Variants in ACO1 observed in about 807,000 individuals in gnomAD.
The protein encoded by ACO1 is cytoplasmic aconitate hydratase.
In ACO1, 78 loss-of-function variants were observed where a neutral mutation model predicts 105.1. That is an observed-to-expected ratio of 0.74 (90% CI 0.62 to 0.90). ACO1 has a LOEUF of 0.90. Among genes scored for constraint, ACO1 ranks in the 40% least tolerant of loss-of-function variants. The pLI, the probability that ACO1 is intolerant of heterozygous loss-of-function variation, is 0.00. For missense variants in ACO1, 965 were observed against 1,111.1 expected (o/e 0.87, Z 1.87); for synonymous variants, 364 against 397.4 (o/e 0.92, Z 1.00).
chr9:32,426,929 A>T (rs543860376), intron 11 of ACO1, among the ~76,000 whole-genome samples: 157 of 152,314 alleles, frequency 1.0e-3, no homozygotes, highest in African/African-American at 3.6e-3. Flanking sequence ...GGCTCCTTCA[A>T]TGATGATTTT....
intron 1 of ACO1, among the ~76,000 whole-genome samples, chr9:32,390,484 G>A (rs1238289616): frequency 6.6e-5 from 10 of 152,126 alleles, no homozygotes. Flanking sequence ...TAGTCTCCTT[G>A]TCAGATTGCA....
At chr9:32,431,397 T>G (rs536077754) in intron 14 of ACO1, among the ~76,000 whole-genome samples, 1 of 152,342 alleles carries the variant, frequency 6.6e-6, no homozygotes, top group Admixed American at 6.5e-5. Context: ...CTTCTGGTGT[T>G]CTTGAGCACA....
intron 1 of ACO1, among the ~76,000 whole-genome samples, chr9:32,396,126 A>G (rs1326133576): frequency 6.6e-6 from 1 of 152,256 alleles, no homozygotes; most frequent in Admixed American, 6.5e-5. Context: ...TTACTTAATA[A>G]TGAAATTCAG....
chr9:32,420,950 A>G lies in ACO1; in HGVS notation c.893A>G (p.Asn298Ser), dbSNP rs377554984. 5.0e-6 allele frequency: 8 copies of G among 1,614,026 alleles called. No homozygotes were observed. The highest frequency in any genetic ancestry group is 6.8e-6 in the Non-Finnish European group (8 of 1,180,018). ...ATTGCTGACCGAGCTACGATTGCTA[A>G]CATGTGTCCAGAGTACGGAGCAACT... ...LSIADRATIANMCPEYGATAA... is the reference protein window; with the variant it reads ...LSIADRATIASMCPEYGATAA... Residue 298 changes from asparagine to serine, a missense_variant, in exon 8 of 21, where the codon AAC (asparagine) becomes AGC (serine). By Grantham distance (46) the Asn-to-Ser change is conservative. Coordinates refer to ENST00000309951, the MANE Select transcript of ACO1 (RefSeq NM_002197.3).
Position 32,430,413 on chromosome 9 carries a change from C to A in ACO1, c.1570-5C>A, listed in dbSNP as rs1158698384. On this transcript the variant is annotated splice_region_variant and splice_polypyrimidine_tract_variant and intron_variant, in intron 13 of 20. Transcript: ENST00000309951. ...GTGACCTGATTTTTCTCTTGCCTTACTCAGGGAGACCTTGTAGCTGTTGGA... is the reference window on the plus strand; with the variant it reads ...GTGACCTGATTTTTCTCTTGCCTTAATCAGGGAGACCTTGTAGCTGTTGGA... 1 of 1,605,682 alleles carries A rather than the reference C, an allele frequency of 6.2e-7. No homozygotes were observed. The highest frequency in any genetic ancestry group is 1.7e-5 in the Admixed American group (1 of 58,304).
At position 32,431,078 on chromosome 9, in the gene ACO1, C is replaced by T. The variant is rs545085401; in HGVS notation, c.1726+504C>T. The stretch of plus-strand genomic sequence containing the variant: ...TAACTTTAGACGTACAGTTGATCCT[C>T]GTTATTTGTGAGTTCTATGTTTGCA... On this transcript the variant is annotated intron_variant, in intron 14 of 20. Transcript: ENST00000309951. Among the ~76,000 whole-genome samples, 19 of 152,270 alleles carry T rather than the reference C, an allele frequency of 1.2e-4. No individual in the cohort carries two copies. The East Asian group carries it at 1.7e-3, about 14-fold the overall frequency.
intron 17 of ACO1, among the ~76,000 whole-genome samples, 183 bp downstream of exon 17, chr9:32,434,884 A>C (rs1160421279): frequency 6.6e-6 from 1 of 152,202 alleles, no homozygotes; most frequent in East Asian, 1.9e-4. Context: ...CCATGGGAGA[A>C]ACGATCAACA....
chr9:32,398,428 TG>T (rs1484159149), intron 1 of ACO1, among the ~76,000 whole-genome samples: 2 of 152,340 alleles, frequency 1.3e-5, no homozygotes, highest in South Asian at 4.1e-4. Flanking sequence ...GGTGGGTGTA[TG>T]GGCTGACGTG....
At chr9:32,449,202 A>G (rs1462329887) in intron 20 of ACO1, 121 bp downstream of exon 20, 3 of 942,514 alleles carry the variant, frequency 3.2e-6, no homozygotes, top group Non-Finnish European at 4.6e-6. Context: ...GGAGGACTGC[A>G]TTAGACTTAG....
At position 32,440,593 on chromosome 9, in the gene ACO1, T is replaced by C; in HGVS notation, c.2370+6T>C. On this transcript the variant is annotated splice_donor_region_variant and intron_variant, in intron 19 of 20. Transcript: ENST00000309951. ...CTAAGGGCCCTTTCCTGCTGGTGAGTATGAAGTAGACATCCTAGGAGGCAG... is the reference window on the plus strand; with the variant it reads ...CTAAGGGCCCTTTCCTGCTGGTGAGCATGAAGTAGACATCCTAGGAGGCAG... The C allele has an allele frequency of 6.2e-7, 1 of 1,613,106 alleles. No homozygotes were observed. Among genetic ancestry groups the C allele is most frequent in the Non-Finnish European group, 8.5e-7 (1 of 1,179,488 alleles).
chr9:32,442,905 T>C, intron 19 of ACO1, among the ~76,000 whole-genome samples: 1 of 152,328 alleles, frequency 6.6e-6, no homozygotes, highest in East Asian at 1.9e-4. Context: ...GAGGAATTAT[T>C]TAAGTGCTTA....
At position 32,425,975 on chromosome 9, in the gene ACO1, T is replaced by C; in HGVS notation, c.1326T>C (p.Asn442=). The part of the protein sequence containing the change: ...AAITSCTNTS[N]PSVMLGAGLL... ...TTACTAGCTGCACAAACACCAGTAA[T>C]CCGTCTGTGATGTTAGGGGCAGGTA... Residue 442 remains asparagine, a synonymous_variant, in exon 11 of 21, where the codon AAT becomes AAC. Transcript: ENST00000309951. 1 of 1,613,940 alleles carries C rather than the reference T, an allele frequency of 6.2e-7. No individual in the cohort carries two copies. Among genetic ancestry groups the C allele is most frequent in the Non-Finnish European group, 8.5e-7 (1 of 1,179,892 alleles).
chr9:32,420,656 T>C (rs1821952507), intron 7 of ACO1, among the ~76,000 whole-genome samples, 200 bp from the exon 8 acceptor site: 1 of 152,226 alleles, frequency 6.6e-6, no homozygotes, highest in Admixed American at 6.5e-5. Flanking sequence ...AGAATTCTGC[T>C]CCAGAATCCA....
At chr9:32,409,376 A>G (rs1446830539) in intron 4 of ACO1, among the ~76,000 whole-genome samples, 2 of 152,180 alleles carry the variant, frequency 1.3e-5, no homozygotes, top group African/African-American at 4.8e-5. Context: ...AAATTGAGTG[A>G]CCTTGAAATT....
At position 32,440,600 on chromosome 9, in the gene ACO1, T is replaced by C; in HGVS notation, c.2370+13T>C. On this transcript the variant is annotated intron_variant, in intron 19 of 20. Transcript: ENST00000309951. ...CCCTTTCCTGCTGGTGAGTATGAAGTAGACATCCTAGGAGGCAGCTCCCCT... is the reference window on the plus strand; with the variant it reads ...CCCTTTCCTGCTGGTGAGTATGAAGCAGACATCCTAGGAGGCAGCTCCCCT... 12 of 1,612,486 alleles carry C rather than the reference T, an allele frequency of 7.4e-6. No individual in the cohort carries two copies. Among genetic ancestry groups the C allele is most frequent in the Non-Finnish European group, 1.0e-5 (12 of 1,179,194 alleles).
rs1233661271 is a variant in ACO1 at position 32,431,709 on chromosome 9, T to C, written c.1727-10T>C. ...GAAAGTTTTCTCATTAATAAACATT[T>C]TTTCCCCAGGAGTAAATGCAAAGGG... On this transcript the variant is annotated splice_polypyrimidine_tract_variant and intron_variant, in intron 14 of 20. Transcript: ENST00000309951. 6.2e-7 allele frequency: 1 copy of C among 1,613,438 alleles called. No individual in the cohort carries two copies. The highest frequency in any genetic ancestry group is 8.5e-7 in the Non-Finnish European group (1 of 1,179,840).
chr9:32,407,177 T>C (rs974053856), intron 2 of ACO1, 84 bp from the exon 3 acceptor site: 2 of 1,291,158 alleles, frequency 1.5e-6, no homozygotes, highest in East Asian at 2.3e-5. Flanking sequence ...ATGCCTCATA[T>C]CAACTTTATA....
chr9:32,392,484 A>G (rs909676551), intron 1 of ACO1, among the ~76,000 whole-genome samples: 1 of 152,212 alleles, frequency 6.6e-6, no homozygotes. Context: ...CCTGGCACTC[A>G]TGGGATAATG....
At chr9:32,445,160 T>C (rs1349162620) in intron 19 of ACO1, among the ~76,000 whole-genome samples, 8 of 152,204 alleles carry the variant, frequency 5.3e-5, no homozygotes, top group Non-Finnish European at 1.2e-4. Flanking sequence ...TCTTTTTCTA[T>C]TGATTGGAAT....
Sources: allele counts gnomAD v4.1 joint callset (sites outside exome capture counted in the v4.1 genomes callset), GRCh38; gene constraint gnomAD v4.1.1; transcripts MANE v1.5; gene names NCBI Gene and HGNC (gene_info 2026-07-23, HGNC 2026-07-21).